Variants in TNRC18 observed in about 807,000 individuals in gnomAD.
TNRC18 encodes trinucleotide repeat-containing gene 18 protein.
TNRC18 carries 69 observed loss-of-function variants against 226.7 expected under a neutral mutation model. That is an observed-to-expected ratio of 0.30 (90% confidence interval 0.25 to 0.37). The LOEUF is 0.37. TNRC18 is among the 10% of genes least tolerant of loss of function. The probability of loss-of-function intolerance (pLI) is 1.00; values close to 1 mark genes in which losing one functional copy is unlikely to be tolerated. For missense variants in TNRC18, 4,754 were observed against 4,256.6 expected (o/e 1.12, Z -3.25); for synonymous variants, 2,449 against 1,927.6 (o/e 1.27, Z -7.09).
intron 2 of TNRC18, among the ~76,000 whole-genome samples, chr7:5,417,155 TAA>T (rs571589226): frequency 8.9e-6 from 1 of 112,496 alleles, no homozygotes. Flanking sequence ...ACCCTGTCTC[TAA>T]AAAAAAAAAA....
chr7:5,329,555 C>T (rs1373037302), intron 19 of TNRC18, among the ~76,000 whole-genome samples: 1 of 151,652 alleles, frequency 6.6e-6, no homozygotes, highest in Non-Finnish European at 1.5e-5. Context: ...TGGTGGTGGG[C>T]ACCTGTAATC....
chr7:5,336,975 A>C (rs150492307), intron 18 of TNRC18, among the ~76,000 whole-genome samples: 3,791 of 152,336 alleles, frequency 0.025, 60 homozygotes, highest in Non-Finnish European at 0.038. Context: ...CTTTTCCTCA[A>C]TAGCTGAAAT....
intron 16 of TNRC18, among the ~76,000 whole-genome samples, chr7:5,356,276 C>G (rs183537866): frequency 2.1e-4 from 32 of 152,218 alleles, no homozygotes; most frequent in African/African-American, 7.5e-4. Flanking sequence ...AGTCGCCTCT[C>G]CGCACCCGAG....
In TNRC18 at chr7:5,370,875, G is replaced by C; in HGVS notation, c.3719C>G (p.Thr1240Ser). The change falls in exon 11 of 30, where the codon ACC (threonine) becomes AGC (serine). Residue 1240 changes from threonine (T) to serine (S), a missense_variant. By Grantham distance (58) the Thr-to-Ser change is moderately conservative (BLOSUM62 1). Transcript: ENST00000430969. ...VDSPGRTEPCTAALDLGVQLT... is the reference protein window; with the variant it reads ...VDSPGRTEPCSAALDLGVQLT... ...CTGCACCCCCAGGTCCAGGGCGGCGGTGCAGGGTTCTGTCCGGCCCGGGGA... is the reference window on the plus strand; with the variant it reads ...CTGCACCCCCAGGTCCAGGGCGGCGCTGCAGGGTTCTGTCCGGCCCGGGGA... The C allele has an allele frequency of 6.2e-7, 1 of 1,607,850 alleles. No homozygotes were observed.
chr7:5,332,599 C>A, intron 19 of TNRC18, 23 bp downstream of exon 19: 3 of 1,509,904 alleles, frequency 2.0e-6, no homozygotes, highest in East Asian at 2.7e-5. Context: ...TTCTGCGGCA[C>A]CCCCTCCCAG....
At position 5,374,369 on chromosome 7, in the gene TNRC18, G is replaced by A. The variant is rs950622784; in HGVS notation, c.2915C>T (p.Pro972Leu). Residue 972 changes from proline (P) to leucine (L), a missense_variant, in exon 10 of 30, where the codon CCG becomes CTG. Pro to Leu is a moderately conservative substitution (Grantham distance 98). Coordinates refer to ENST00000430969, the MANE Select transcript of TNRC18 (RefSeq NM_001080495.3). ...GGCGGCCAGGCCAGGGGGCTTCCGC[G>A]GCAGCAGCCCGGGGCCGGCGGTGGC... ...GLATAGPGLLPRKPPGLAAGP... is the reference protein window; with the variant it reads ...GLATAGPGLLLRKPPGLAAGP... 107 of 1,472,658 alleles carry A rather than the reference G, an allele frequency of 7.3e-5. No individual in the cohort carries two copies. The highest frequency in any genetic ancestry group is 1.8e-4 in the African/African-American group (12 of 67,304). The allele number at this position is 1,472,658 out of a possible 1,614,324, so 91.2% of individuals were successfully genotyped here.
intron 19 of TNRC18, among the ~76,000 whole-genome samples, chr7:5,327,349 A>G (rs1421390623): frequency 6.6e-6 from 1 of 151,252 alleles, no homozygotes; most frequent in African/African-American, 2.4e-5. Flanking sequence ...TGGGGGGGAA[A>G]AATATATATG....
chr7:5,392,430 A>G (rs1305660113), intron 3 of TNRC18, among the ~76,000 whole-genome samples: 2 of 152,016 alleles, frequency 1.3e-5, no homozygotes, highest in Non-Finnish European at 2.9e-5. Flanking sequence ...CCTGACCAAC[A>G]TGGTAAAGCC....
rs777576045 is a variant in TNRC18 at position 5,325,147 on chromosome 7, G to A, written c.6249C>T (p.Thr2083=). The part of the protein sequence containing the change: ...EARAPHASSL[T]AAKRSKAKAK... ...CCTTGGCTTTGCTCCTTTTGGCAGCGGTCAGGGAGCTGGCGTGAGGAGCCC... is the reference window on the plus strand; with the variant it reads ...CCTTGGCTTTGCTCCTTTTGGCAGCAGTCAGGGAGCTGGCGTGAGGAGCCC... Residue 2083 remains threonine (T), a synonymous_variant, in exon 20 of 30, where the codon ACC becomes ACT. Coordinates refer to ENST00000430969, the MANE Select transcript of TNRC18 (RefSeq NM_001080495.3). 5.7e-5 allele frequency: 88 copies of A among 1,551,338 alleles called. No homozygotes were observed. Among genetic ancestry groups the A allele is most frequent in the African/African-American group, 1.5e-4 (11 of 73,076 alleles).
chr7:5,370,383 T>A lies in TNRC18; in HGVS notation c.4211A>T (p.Glu1404Val). The change falls in exon 11 of 30, where the codon GAG becomes GTG. Residue 1404 changes from glutamate to valine, a missense_variant. Glu to Val is a moderately radical substitution (Grantham distance 121). Transcript: ENST00000430969. ...AELELERRSQEMGGAERALVA... is the reference protein window; with the variant it reads ...AELELERRSQVMGGAERALVA... ...AGGTCGCGCACTCTCACCTCCCATC[T>A]CTTGGCTCCTCCTCTCCAGCTCCAG... The A allele has an allele frequency of 6.5e-7, 1 of 1,545,286 alleles. No homozygotes were observed. Among genetic ancestry groups the A allele is most frequent in the Non-Finnish European group, 8.7e-7 (1 of 1,144,188 alleles).
chr7:5,343,451 C>G (rs1350375177), intron 18 of TNRC18, among the ~76,000 whole-genome samples: 1 of 152,184 alleles, frequency 6.6e-6, no homozygotes, highest in Non-Finnish European at 1.5e-5. Context: ...GAGACAGGGT[C>G]TCATTCTCTT....
intron 19 of TNRC18, among the ~76,000 whole-genome samples, chr7:5,326,899 C>T (rs543999837): frequency 2.0e-5 from 3 of 151,314 alleles, no homozygotes; most frequent in Non-Finnish European, 4.4e-5. Context: ...CCGAGGCGGG[C>T]GGATCACGAG....
intron 2 of TNRC18, among the ~76,000 whole-genome samples, chr7:5,402,547 A>C (rs1781179574): frequency 6.7e-6 from 1 of 150,236 alleles, no homozygotes; most frequent in Non-Finnish European, 1.5e-5. Context: ...AGACAAAAAA[A>C]AAAATTAGAA....
chr7:5,340,651 G>A (rs1426797607), intron 18 of TNRC18, among the ~76,000 whole-genome samples: 11 of 151,766 alleles, frequency 7.2e-5, no homozygotes, highest in African/African-American at 2.7e-4. Flanking sequence ...GCTGAGGCAG[G>A]AGAATCACTT....
rs1275279547 is a variant in TNRC18, at chr7:5,307,081, G to T, written c.*1025C>A. ...CCCTAACAAACACTTCTCTATCCTG[G>T]GGGGTGAGTACAGTACACTTGGTGG... is the stretch of plus-strand genomic sequence containing the variant. On this transcript the variant is annotated 3_prime_UTR_variant, in exon 30 of 30. Transcript: ENST00000430969. The T allele has an allele frequency of 6.7e-6, 1 of 149,632 alleles. No homozygotes were observed. The highest frequency in any genetic ancestry group is 2.4e-5 in the African/African-American group (1 of 40,830). The allele number at this position is 149,632 out of a possible 1,614,324, so 9.3% of individuals were successfully genotyped here.
At chr7:5,414,667 C>G (rs1782060085) in intron 2 of TNRC18, among the ~76,000 whole-genome samples, 1 of 152,212 alleles carries the variant, frequency 6.6e-6, no homozygotes, top group East Asian at 1.9e-4. Context: ...CCGCCTCAGC[C>G]TCCCAAAGTA....
rs1408358058 is a variant in TNRC18, at chr7:5,350,022, C to T, written c.5470+1797G>A. 3.3e-5 allele frequency among the ~76,000 whole-genome samples: 5 copies of T among 152,138 alleles called. No individual in the cohort carries two copies. In the East Asian group the frequency reaches 9.7e-4, roughly 29 times the overall value. On this transcript the variant is annotated intron_variant, in intron 17 of 29. Coordinates refer to ENST00000430969, the MANE Select transcript of TNRC18 (RefSeq NM_001080495.3). ...CTTCCTAAGAGGCCTAGGGCGCTGCCTGCTTCTCTGTGGGGTCTCAGCTGG... is the reference window on the plus strand; with the variant it reads ...CTTCCTAAGAGGCCTAGGGCGCTGCTTGCTTCTCTGTGGGGTCTCAGCTGG...
At chr7:5,382,939 C>G (rs949067000) in intron 5 of TNRC18, among the ~76,000 whole-genome samples, 1 of 152,198 alleles carries the variant, frequency 6.6e-6, no homozygotes, top group African/African-American at 2.4e-5. Context: ...ACTCTGCCAC[C>G]CAGGTTGGGG....
intron 18 of TNRC18, among the ~76,000 whole-genome samples, chr7:5,344,482 G>A (rs1454354287): frequency 2.0e-5 from 3 of 152,200 alleles, no homozygotes; most frequent in Non-Finnish European, 2.9e-5. Flanking sequence ...GAGGGGGAAG[G>A]CAGGGTCTGG....
Sources: allele counts gnomAD v4.1 joint callset (sites outside exome capture counted in the v4.1 genomes callset), GRCh38; gene constraint gnomAD v4.1.1; transcripts MANE v1.5; gene names NCBI Gene and HGNC (gene_info 2026-07-23, HGNC 2026-07-21).